Variants in NAALADL2 observed in about 807,000 individuals in gnomAD.
NAALADL2 encodes inactive N-acetylated-alpha-linked acidic dipeptidase-like protein 2.
NAALADL2 carries 76 observed loss-of-function variants against 87.2 expected under a neutral mutation model. That is an observed-to-expected ratio of 0.87 (90% CI 0.72 to 1.05). The LOEUF is 1.05. NAALADL2 is among the 50% of genes least tolerant of loss of function. The pLI is 0.00. For missense variants in NAALADL2, 1,089 were observed against 945.8 expected (o/e 1.15, Z -1.99); for synonymous variants, 354 against 331.0 (o/e 1.07, Z -0.75).
intron 1 of NAALADL2, among the ~76,000 whole-genome samples, chr3:174,505,676 C>T (rs1477139108): frequency 1.3e-5 from 2 of 152,132 alleles, no homozygotes; most frequent in African/African-American, 4.8e-5. Flanking sequence ...TGGGAAAGAA[C>T]TCAAGGCATT....
chr3:174,787,620 T>TATATATATATAC (rs1489900205), intron 3 of NAALADL2, among the ~76,000 whole-genome samples: 1 of 117,490 alleles, frequency 8.5e-6, no homozygotes, highest in Non-Finnish European at 1.8e-5. Context: ...TATATATATA[T>TATATATATATAC]AGTAGTGACT....
chr3:174,487,059 T>C (rs768944770), intron 1 of NAALADL2, among the ~76,000 whole-genome samples: 10 of 151,976 alleles, frequency 6.6e-5, no homozygotes, highest in Non-Finnish European at 1.3e-4. Context: ...TTCTCTCTGG[T>C]CCTGATGCTT....
intron 1 of NAALADL2, among the ~76,000 whole-genome samples, chr3:174,940,131 T>C (rs1164120631): frequency 6.6e-6 from 1 of 152,182 alleles, no homozygotes; most frequent in African/African-American, 2.4e-5. Context: ...CCATTTAATA[T>C]AATATTGGCT....
At chr3:175,221,967 A>T (rs992950787) in intron 2 of NAALADL2, among the ~76,000 whole-genome samples, 38 of 151,984 alleles carry the variant, frequency 2.5e-4, no homozygotes, top group African/African-American at 8.9e-4. Context: ...ATTTTAGTAG[A>T]GTTGGGGTTT....
chr3:174,454,260 TTCA>T (rs1715676727), intron 1 of NAALADL2, among the ~76,000 whole-genome samples: 2 of 152,044 alleles, frequency 1.3e-5, no homozygotes, highest in East Asian at 1.9e-4. Context: ...CTTAGAGACC[TTCA>T]GAGACTTAGA....
chr3:175,598,394 G>A (rs888399199), intron 10 of NAALADL2, among the ~76,000 whole-genome samples: 2 of 151,232 alleles, frequency 1.3e-5, no homozygotes, highest in African/African-American at 4.9e-5. Context: ...AATGGAAGGA[G>A]CAGGTGAAAA....
chr3:175,258,320 CCA>C (rs1750413129), intron 4 of NAALADL2, among the ~76,000 whole-genome samples: 1 of 99,688 alleles, frequency 1.0e-5, no homozygotes, highest in Admixed American at 1.1e-4. Flanking sequence ...TCCGCCCCCA[CCA>C]CCAAAAAAAA....
intron 5 of NAALADL2, among the ~76,000 whole-genome samples, chr3:175,363,511 T>G (rs1273767072): frequency 6.8e-6 from 1 of 147,616 alleles, no homozygotes; most frequent in Non-Finnish European, 1.5e-5. Flanking sequence ...TCCTTGTGTC[T>G]CTCTGTCTCT....
chr3:175,517,220 A>G (rs963761501), intron 9 of NAALADL2, among the ~76,000 whole-genome samples: 12 of 152,136 alleles, frequency 7.9e-5, no homozygotes, highest in Non-Finnish European at 1.6e-4. Context: ...ATCTGCTCCA[A>G]TTTATCAGTA....
chr3:175,794,847 C>CTA (rs754634059), intron 13 of NAALADL2, among the ~76,000 whole-genome samples: 2 of 152,312 alleles, frequency 1.3e-5, no homozygotes, highest in East Asian at 1.9e-4. Context: ...AGACAACATA[C>CTA]TATAGACTGG....
intron 11 of NAALADL2, among the ~76,000 whole-genome samples, chr3:175,672,993 T>C (rs1734216908): frequency 6.6e-6 from 1 of 152,136 alleles, no homozygotes; most frequent in Non-Finnish European, 1.5e-5. Context: ...ACCCAAGCCA[T>C]AGTTATTTTA....
At chr3:175,464,565 C>T (rs1277794215) in intron 7 of NAALADL2, among the ~76,000 whole-genome samples, 1 of 152,140 alleles carries the variant, frequency 6.6e-6, no homozygotes, top group Non-Finnish European at 1.5e-5. Context: ...ATGTAACACT[C>T]TTTTTATTAC....
At chr3:175,065,725 G>A (rs1038833780) in intron 1 of NAALADL2, among the ~76,000 whole-genome samples, 2 of 152,200 alleles carry the variant, frequency 1.3e-5, no homozygotes, top group African/African-American at 4.8e-5. Flanking sequence ...AGAAAAAAAA[G>A]AGAGTCAGAA....
chr3:174,973,603 A>G (rs143126766), intron 1 of NAALADL2, among the ~76,000 whole-genome samples: 13 of 152,320 alleles, frequency 8.5e-5, no homozygotes, highest in African/African-American at 2.6e-4. Flanking sequence ...ATATTTTCCG[A>G]GAAATGCATT....
At chr3:175,122,937 G>A (rs1001970332) in intron 2 of NAALADL2, among the ~76,000 whole-genome samples, 1 of 151,852 alleles carries the variant, frequency 6.6e-6, no homozygotes, top group African/African-American at 2.4e-5. Context: ...ACAGGCAAGA[G>A]AATGTCAGCA....
intron 1 of NAALADL2, among the ~76,000 whole-genome samples, chr3:175,079,918 T>G (rs1160489813): frequency 1.3e-5 from 2 of 152,108 alleles, no homozygotes; most frequent in Non-Finnish European, 2.9e-5. Flanking sequence ...CTAGCAAATA[T>G]AAGAATTGCC....
At position 174,521,610 on chromosome 3, in the gene NAALADL2, A is replaced by G. The variant is rs894768810; in HGVS notation, c.-183-28959A>G. Reference sequence around the variant, plus strand: ...AAAAAAAAAAAAGAAAAGAAAAGAAATACTGTCTTTTGCAGAAACACATAT... The same window carrying G: ...AAAAAAAAAAAAGAAAAGAAAAGAAGTACTGTCTTTTGCAGAAACACATAT... On this transcript the variant is annotated intron_variant, in intron 1 of 3. Coordinates refer to the NAALADL2 transcript ENST00000434257. 2.6e-5 allele frequency among the ~76,000 whole-genome samples: 4 copies of G among 151,252 alleles called. No individual in the cohort carries two copies. The East Asian group carries it at 7.8e-4, about 29-fold the overall frequency.
intron 10 of NAALADL2, among the ~76,000 whole-genome samples, chr3:175,616,689 C>A (rs533049968): frequency 6.0e-4 from 92 of 152,220 alleles, no homozygotes; most frequent in African/African-American, 2.1e-3. Context: ...GCAGGCTGCA[C>A]TCCCTTGTGC....
intron 11 of NAALADL2, among the ~76,000 whole-genome samples, chr3:175,697,809 TTATG>T (rs1168232980): frequency 7.3e-6 from 1 of 137,412 alleles, no homozygotes; most frequent in Non-Finnish European, 1.5e-5. Context: ...GTATATATAT[TTATG>T]TATGTATACA....
Sources: gnomAD v4.1 joint callset for allele counts (sites outside exome capture counted in the v4.1 genomes callset) on GRCh38, gnomAD v4.1.1 for gene constraint, MANE v1.5 for transcripts, NCBI Gene and HGNC (gene_info 2026-07-23, HGNC 2026-07-21) for gene names.